The following METTL13 variants were observed in gnomAD, a reference collection of about 807,000 sequenced individuals.
The protein encoded by METTL13 is methyltransferase 13, eEF1A N-terminus and K55, also known as eEF1A lysine and N-terminal methyltransferase.
METTL13 carries 52 observed loss-of-function variants against 67.4 expected under a neutral mutation model. That is an observed-to-expected ratio of 0.77 (90% CI 0.62 to 0.97). The LOEUF (loss-of-function observed/expected upper bound fraction) is 0.97, where lower values mean the gene tolerates loss of function less well. Ranked by LOEUF, METTL13 falls within the 50% of genes least tolerant of loss-of-function variation. The pLI is 0.00. For missense variants in METTL13, 825 were observed against 889.6 expected (o/e 0.93, Z 0.92); for synonymous variants, 354 against 353.6 (o/e 1.00, Z -0.01).
intron 6 of METTL13, among the ~76,000 whole-genome samples, chr1:171,794,115 A>G (rs887378980): frequency 1.3e-5 from 2 of 152,258 alleles, no homozygotes; most frequent in Admixed American, 6.5e-5. Context: ...TAACCGAGAA[A>G]TATTCATGCA....
In METTL13 at chr1:171,794,416, A is replaced by C. The variant is rs747258439; in HGVS notation, c.1714A>C (p.Ile572Leu). The C allele has an allele frequency of 9.3e-6, 15 of 1,614,078 alleles. No individual in the cohort carries two copies. The East Asian group carries it at 3.3e-4, about 36-fold the overall frequency. ...GGEARPCYDV[I>L]MFDVDSKDPT... ...CCCAGCACGGCCTTGCTACGATGTCATAATGTTTGATGTTGACAGTAAGGA... is the reference window on the plus strand; with the variant it reads ...CCCAGCACGGCCTTGCTACGATGTCCTAATGTTTGATGTTGACAGTAAGGA... Residue 572 changes from isoleucine (I) to leucine (L), a missense_variant, in exon 7 of 8, where the codon ATA becomes CTA. Ile to Leu is a conservative substitution (Grantham distance 5, BLOSUM62 2). Transcript: ENST00000361735.
intron 6 of METTL13, 70 bp downstream of exon 6, chr1:171,792,305 C>T (rs1054811979): frequency 5.8e-6 from 9 of 1,555,886 alleles, no homozygotes; most frequent in South Asian, 1.1e-5. Context: ...CCCGCAAGGG[C>T]CTCTACAGTT....
At chr1:171,784,771 G>A (rs1183511177) in intron 2 of METTL13, among the ~76,000 whole-genome samples, 4 of 152,198 alleles carry the variant, frequency 2.6e-5, no homozygotes, top group Non-Finnish European at 4.4e-5. Context: ...GGGGTTGGTA[G>A]GGAAGAGAGA....
rs1206408488 is a variant in METTL13 at position 171,784,050 on chromosome 1, G to A, written c.464G>A (p.Arg155His). The A allele has an allele frequency of 3.1e-6, 5 of 1,614,078 alleles. No homozygotes were observed. The African/African-American group carries it at 4.0e-5, about 13-fold the overall frequency. The change falls in exon 2 of 8, where the codon CGC (arginine) becomes CAC (histidine). Residue 155 changes from arginine to histidine, a missense_variant. Arg to His is a conservative substitution (Grantham distance 29). Transcript: ENST00000361735. ...EVGRVLQVGG[R>H]YLCISLAQAH... ...GGCCGTGTCCTGCAGGTGGGCGGTCGCTATCTCTGCATCTCCCTGGCTCAG... is the reference window on the plus strand; with the variant it reads ...GGCCGTGTCCTGCAGGTGGGCGGTCACTATCTCTGCATCTCCCTGGCTCAG...
At chr1:171,791,647 A>G (rs1418437226) in intron 5 of METTL13, among the ~76,000 whole-genome samples, 2 of 151,972 alleles carry the variant, frequency 1.3e-5, no homozygotes, top group Non-Finnish European at 2.9e-5. Context: ...TCTACTTTCT[A>G]TAGACAGGAT....
Position 171,784,146 on chromosome 1 carries a change from C to T in METTL13, c.560C>T (p.Ala187Val), listed in dbSNP as rs917531333. Residue 187 changes from alanine to valine, a missense_variant, in exon 2 of 8, where the codon GCC becomes GTC. Transcript: ENST00000361735. ...EGWMVRVHQVANSQDQVLEAE... is the reference protein window; with the variant it reads ...EGWMVRVHQVVNSQDQVLEAE... ...TGGATGGTGAGGGTGCACCAAGTGG[C>T]CAACAGCCAGGACCAGGTGTTGGAA... 6.2e-7 allele frequency: 1 copy of T among 1,614,226 alleles called. No individual in the cohort carries two copies. The highest frequency in any genetic ancestry group is 1.3e-5 in the African/African-American group (1 of 75,056).
rs1230731537 is a variant in METTL13 at position 171,796,508 on chromosome 1, C to T, written c.1852C>T (p.Arg618Ter). 4.3e-6 allele frequency: 7 copies of T among 1,614,062 alleles called. No individual in the cohort carries two copies. Among genetic ancestry groups the T allele is most frequent in the East Asian group, 2.2e-5 (1 of 44,868 alleles). The change falls in exon 8 of 8, where the codon CGA becomes TGA. Residue 618 changes from arginine (R) to a stop codon, truncating the protein, a stop_gained. Coordinates refer to ENST00000361735, the MANE Select transcript of METTL13 (RefSeq NM_015935.5). LOFTEE classifies it high-confidence loss of function. ...TGTTTTTATTCTCAACCTTGTGTGC[C>T]GAGACTTGGGGCTAAAAGACTCAGT... ...EGVFILNLVC[R>*]DLGLKDSVLA...
At position 171,792,097 on chromosome 1, in the gene METTL13, T is replaced by A; in HGVS notation, c.1555T>A (p.Cys519Ser). Residue 519 changes from cysteine (C) to serine (S), a missense_variant, in exon 6 of 8, where the codon TGC (cysteine) becomes AGC (serine). Cys to Ser is a moderately radical substitution (Grantham distance 112, BLOSUM62 -1). Coordinates refer to ENST00000361735, the MANE Select transcript of METTL13 (RefSeq NM_015935.5). ...TGTCCACGATCATTTTCCAAAGTCC[T>A]GCATTGATGCTGTGGAGATCGATCC... The part of the protein sequence containing the change: ...LFVHDHFPKS[C>S]IDAVEIDPSM... 1.2e-6 allele frequency: 2 copies of A among 1,614,036 alleles called. No individual in the cohort carries two copies. Among genetic ancestry groups the A allele is most frequent in the Non-Finnish European group, 1.7e-6 (2 of 1,180,048 alleles).
chr1:171,784,300 T>TGCCACTCTCCA lies in METTL13; in HGVS notation c.717_718insACTCTCCAGCC (p.Glu240ThrfsTer57), dbSNP rs775333105. ...AGCGCAAGCCTGTGCGGCTGGAGAG[T>TGCCACTCTCCA]GCCGAGCGGCTGGCCGAGGCGGTGC... On this transcript the variant is annotated frameshift_variant, in exon 2 of 8. Transcript: ENST00000361735. LOFTEE classifies it high-confidence loss of function. 6.2e-7 allele frequency: 1 copy of TGCCACTCTCCA among 1,609,830 alleles called. No homozygotes were observed.
rs1180366286 is a variant in METTL13 at position 171,787,711 on chromosome 1, C to A, written c.1114-24C>A. Reference sequence around the variant, plus strand: ...TTTCTTAAATGAGCTGCTGTTTTGACCACATCTCTGGTTGTACCTTCAGGT... The same window carrying A: ...TTTCTTAAATGAGCTGCTGTTTTGAACACATCTCTGGTTGTACCTTCAGGT... On this transcript the variant is annotated intron_variant, in intron 3 of 7. Coordinates refer to ENST00000361735, the MANE Select transcript of METTL13 (RefSeq NM_015935.5). The A allele has an allele frequency of 1.9e-6, 3 of 1,600,210 alleles. No homozygotes were observed. In the South Asian group the frequency reaches 3.3e-5, roughly 18 times the overall value.
chr1:171,786,732 C>T (rs998223009), intron 3 of METTL13, among the ~76,000 whole-genome samples: 5 of 152,100 alleles, frequency 3.3e-5, no homozygotes, highest in African/African-American at 1.2e-4. Context: ...GTGATCACGG[C>T]TCACTGCAGC....
intron 1 of METTL13, among the ~76,000 whole-genome samples, chr1:171,782,875 G>T (rs1322132762): frequency 6.6e-6 from 1 of 152,216 alleles, no homozygotes; most frequent in African/African-American, 2.4e-5. Flanking sequence ...TGGTATAGGT[G>T]AGATTGTACT....
intron 6 of METTL13, 94 bp from the exon 7 acceptor site, chr1:171,794,302 G>A: frequency 6.5e-7 from 1 of 1,549,906 alleles, no homozygotes; most frequent in South Asian, 1.2e-5. Flanking sequence ...TAGTCACCAT[G>A]CCCACCACTG....
rs190345648 is a variant in METTL13, at chr1:171,796,716, A to G, written c.2060A>G (p.Tyr687Cys). ...CCTGGGAGGGGTTGGGATGACACGTATGTCTTGTCAGATATGCTCAAGACG... is the reference window on the plus strand; with the variant it reads ...CCTGGGAGGGGTTGGGATGACACGTGTGTCTTGTCAGATATGCTCAAGACG... ...RKPGRGWDDTYVLSDMLKTVK... is the reference protein window; with the variant it reads ...RKPGRGWDDTCVLSDMLKTVK... Residue 687 changes from tyrosine to cysteine, a missense_variant, in exon 8 of 8, where the codon TAT (tyrosine) becomes TGT (cysteine). Coordinates refer to ENST00000361735, the MANE Select transcript of METTL13 (RefSeq NM_015935.5). 1.7e-5 allele frequency: 28 copies of G among 1,614,208 alleles called. No individual in the cohort carries two copies. Among genetic ancestry groups the G allele is most frequent in the Admixed American group, 6.7e-5 (4 of 60,036 alleles).
At chr1:171,788,096 G>T (rs542332375) in intron 4 of METTL13, among the ~76,000 whole-genome samples, 166 bp downstream of exon 4, 32 of 152,344 alleles carry the variant, frequency 2.1e-4, no homozygotes, top group African/African-American at 7.2e-4. Context: ...CTGTTCTTGA[G>T]CAGAGCCTGG....
intron 1 of METTL13, 73 bp from the exon 2 acceptor site, chr1:171,783,667 G>A: frequency 1.3e-6 from 2 of 1,514,022 alleles, no homozygotes; most frequent in Non-Finnish European, 1.8e-6. Flanking sequence ...GGTGAGACTT[G>A]ATTCCTTGAA....
chr1:171,785,229 T>G (rs1380608609), intron 2 of METTL13, among the ~76,000 whole-genome samples: 1 of 152,192 alleles, frequency 6.6e-6, no homozygotes, highest in Non-Finnish European at 1.5e-5. Context: ...AAAAAGATAG[T>G]AGGAGGAAGT....
chr1:171,784,624 C>T, intron 2 of METTL13, 125 bp downstream of exon 2: 1 of 1,249,330 alleles, frequency 8.0e-7, no homozygotes, highest in Non-Finnish European at 1.0e-6. Flanking sequence ...TTTTGTCTTG[C>T]AGGGGTTTGT....
At position 171,787,662 on chromosome 1, in the gene METTL13, G is replaced by T; in HGVS notation, c.1114-73G>T. 20 of 1,401,078 alleles carry T rather than the reference G, an allele frequency of 1.4e-5. No homozygotes were observed. In the South Asian group the frequency reaches 2.6e-4, roughly 18 times the overall value. The allele number at this position is 1,401,078 out of a possible 1,614,324, so 86.8% of individuals were successfully genotyped here. A position where few individuals can be genotyped will look rare whatever the true frequency, so the allele number is the denominator to read the frequency against. ...GGTATGGGGATATATACACACAAAAGGGAAGGGGTTATAATTTCTCTTATT... is the reference window on the plus strand; with the variant it reads ...GGTATGGGGATATATACACACAAAATGGAAGGGGTTATAATTTCTCTTATT... On this transcript the variant is annotated intron_variant, in intron 3 of 7. Transcript: ENST00000361735.
Sources: allele counts gnomAD v4.1 joint callset (sites outside exome capture counted in the v4.1 genomes callset), GRCh38; gene constraint gnomAD v4.1.1; transcripts MANE v1.5; gene names NCBI Gene and HGNC (gene_info 2026-07-23, HGNC 2026-07-21).